The following RYR3 variants were observed in gnomAD, a reference collection of about 807,000 sequenced individuals.
The protein encoded by RYR3 is ryanodine receptor 3, also known as brain ryanodine receptor-calcium release channel.
In RYR3, 207 loss-of-function variants were observed where a neutral mutation model predicts 584.3. That is an observed-to-expected ratio of 0.35 (90% CI 0.32 to 0.40). The LOEUF (loss-of-function observed/expected upper bound fraction) is 0.40, where lower values mean the gene tolerates loss of function less well. RYR3 is among the 10% of genes least tolerant of loss of function. RYR3 has a pLI of 1.00. For missense variants in RYR3, 5,616 were observed against 6,089.2 expected, an observed-to-expected ratio of 0.92 and a Z score of 2.59; for synonymous variants, 2,416 against 2,248.5, an observed-to-expected ratio of 1.07 and a Z score of -2.11.
intron 69 of RYR3, among the ~76,000 whole-genome samples, chr15:33,805,894 T>C (rs913897072): frequency 5.9e-5 from 9 of 151,988 alleles, no homozygotes; most frequent in African/African-American, 2.2e-4. Flanking sequence ...ACTCATCCTC[T>C]TCTTCTCCTC....
chr15:33,557,297 G>C (rs959038885), intron 10 of RYR3, among the ~76,000 whole-genome samples: 6 of 152,226 alleles, frequency 3.9e-5, no homozygotes, highest in African/African-American at 1.4e-4. Context: ...GTGAATTCGC[G>C]TGATGGCATT....
At chr15:33,425,879 T>G (rs1286610939) in intron 1 of RYR3, among the ~76,000 whole-genome samples, 5 of 152,100 alleles carry the variant, frequency 3.3e-5, no homozygotes, top group Non-Finnish European at 4.4e-5. Flanking sequence ...CCTGACCTCG[T>G]GATCCGCCCG....
chr15:33,476,477 A>C (rs1438173254), intron 2 of RYR3, among the ~76,000 whole-genome samples: 1 of 152,220 alleles, frequency 6.6e-6, no homozygotes, highest in East Asian at 1.9e-4. Context: ...TTTTCATTCT[A>C]GCCTTTGCCC....
chr15:33,509,578 C>A (rs898577235), intron 3 of RYR3, among the ~76,000 whole-genome samples: 1 of 152,160 alleles, frequency 6.6e-6, no homozygotes, highest in Non-Finnish European at 1.5e-5. Flanking sequence ...TTGAATGAGT[C>A]AAATCTAGCA....
At chr15:33,428,087 AG>A (rs1176814205) in intron 1 of RYR3, among the ~76,000 whole-genome samples, 1 of 152,164 alleles carries the variant, frequency 6.6e-6, no homozygotes, top group Non-Finnish European at 1.5e-5. Context: ...AGCTCCTTGA[AG>A]GTAAGGCTTG....
At chr15:33,684,289 A>T (rs1443078603) in intron 38 of RYR3, among the ~76,000 whole-genome samples, 1 of 152,242 alleles carries the variant, frequency 6.6e-6, no homozygotes, top group South Asian at 2.1e-4. Context: ...AAGTTTCTAG[A>T]GGAAGGATCA....
chr15:33,663,546 C>A lies in RYR3; in HGVS notation c.5428C>A (p.Leu1810Ile). 1 of 1,613,580 alleles carries A rather than the reference C, an allele frequency of 6.2e-7. No individual in the cohort carries two copies. Among genetic ancestry groups the A allele is most frequent in the Non-Finnish European group, 8.5e-7 (1 of 1,179,726 alleles). Residue 1810 changes from leucine to isoleucine, a missense_variant, in exon 36 of 104, where the codon CTC becomes ATC. Physicochemically the swap from Leu to Ile is conservative, Grantham distance 5. Coordinates refer to ENST00000634891, the MANE Select transcript of RYR3 (RefSeq NM_001036.6). ...AATACTTTCATTGCAGATGTGTGAG[C>A]TCCTCAGCTATCTCTGCGACTGTGA... ...PESVKLQMCELLSYLCDCELQ... is the reference protein window; with the variant it reads ...PESVKLQMCEILSYLCDCELQ...
At chr15:33,804,100 G>GA (rs1388667119) in intron 69 of RYR3, among the ~76,000 whole-genome samples, 5 of 152,316 alleles carry the variant, frequency 3.3e-5, no homozygotes, top group African/African-American at 1.2e-4. Context: ...ACTGAATGAG[G>GA]AAAAGCGGGT....
chr15:33,637,438 C>T (rs961510171), intron 27 of RYR3, among the ~76,000 whole-genome samples: 2 of 152,256 alleles, frequency 1.3e-5, no homozygotes, highest in African/African-American at 2.4e-5. Flanking sequence ...TTCCTCCTCA[C>T]GGACGAGAAG....
intron 10 of RYR3, 95 bp from the exon 11 acceptor site, chr15:33,562,742 G>A (rs2057476488): frequency 3.5e-6 from 3 of 852,506 alleles, no homozygotes; most frequent in Non-Finnish European, 5.5e-6. Context: ...CCAGTTGCCT[G>A]GCTTACAGGT....
chr15:33,636,011 G>A (rs1197255429), intron 26 of RYR3, among the ~76,000 whole-genome samples, 192 bp downstream of exon 26: 2 of 152,186 alleles, frequency 1.3e-5, no homozygotes, highest in African/African-American at 4.8e-5. Context: ...GGGGAGCACT[G>A]TACCCCAAAT....
chr15:33,482,020 G>A (rs926042922), intron 2 of RYR3, among the ~76,000 whole-genome samples: 2 of 151,890 alleles, frequency 1.3e-5, no homozygotes, highest in East Asian at 3.9e-4. Flanking sequence ...TAATGTATTT[G>A]CCATTTTCAG....
chr15:33,425,635 C>A (rs890112077), intron 1 of RYR3, among the ~76,000 whole-genome samples: 4 of 115,222 alleles, frequency 3.5e-5, no homozygotes, highest in East Asian at 7.3e-4. Context: ...TTGAGACTCA[C>A]AATTTTTTTT....
chr15:33,492,534 T>G (rs761808431), intron 2 of RYR3, among the ~76,000 whole-genome samples: 1 of 151,976 alleles, frequency 6.6e-6, no homozygotes, highest in African/African-American at 2.4e-5. Flanking sequence ...TGGATTCAGT[T>G]TGAGAGTAGG....
chr15:33,845,307 C>T (rs1156720021), intron 93 of RYR3, among the ~76,000 whole-genome samples: 1 of 152,154 alleles, frequency 6.6e-6, no homozygotes, highest in Non-Finnish European at 1.5e-5. Context: ...GGCTGGAGTG[C>T]AGTGGTGCAA....
chr15:33,457,316 C>T (rs1408340501), intron 1 of RYR3, among the ~76,000 whole-genome samples: 1 of 152,148 alleles, frequency 6.6e-6, no homozygotes, highest in Non-Finnish European at 1.5e-5. Context: ...GCAACACTAT[C>T]TACAATAGCC....
intron 60 of RYR3, 84 bp downstream of exon 60, chr15:33,757,680 C>T: frequency 2.1e-6 from 3 of 1,441,366 alleles, no homozygotes; most frequent in Non-Finnish European, 2.8e-6. Context: ...AAAGGCGAGT[C>T]TTTTGGAGAA....
Position 33,613,295 on chromosome 15 carries a change from G to C in RYR3, c.2277G>C (p.Gly759=). ...CCAGCATCTCATTCCGCATCAATGG[G>C]CAGCCCGTGCAGGGGATGTTTGAGA... ...GVPSISFRIN[G]QPVQGMFENF... The change falls in exon 19 of 104, where the codon GGG becomes GGC. Residue 759 remains glycine (G), a synonymous_variant. Coordinates refer to ENST00000634891, the MANE Select transcript of RYR3 (RefSeq NM_001036.6). 6.2e-7 allele frequency: 1 copy of C among 1,613,958 alleles called. No individual in the cohort carries two copies. The highest frequency in any genetic ancestry group is 8.5e-7 in the Non-Finnish European group (1 of 1,179,880).
chr15:33,799,326 C>G (rs1279680438), intron 67 of RYR3, among the ~76,000 whole-genome samples: 1 of 152,148 alleles, frequency 6.6e-6, no homozygotes, highest in African/African-American at 2.4e-5. Flanking sequence ...GGACTTTCAG[C>G]CCCACCACCA....
Sources: allele counts gnomAD v4.1 joint callset (sites outside exome capture counted in the v4.1 genomes callset), GRCh38; gene constraint gnomAD v4.1.1; transcripts MANE v1.5; gene names NCBI Gene and HGNC (gene_info 2026-07-23, HGNC 2026-07-21).